CYRIB: variants seen among roughly 807,000 people sequenced by gnomAD.
CYRIB encodes the protein CYFIP-related Rac1 interactor B.
A neutral mutation model predicts 44.2 loss-of-function variants in CYRIB; 8 were observed. The ratio of observed to expected loss-of-function variants is 0.18; its 90% CI spans 0.11 to 0.33. The LOEUF (loss-of-function observed/expected upper bound fraction) is 0.33, where lower values mean the gene tolerates loss of function less well. Among genes scored for constraint, CYRIB ranks in the 10% least tolerant of loss-of-function variants. The pLI is 1.00. For missense variants in CYRIB, 185 were observed against 382.8 expected (o/e 0.48, Z 4.31); for synonymous variants, 131 against 127.2 (o/e 1.03, Z -0.20).
chr8:129,913,246 C>A (rs448220), intron 1 of CYRIB, among the ~76,000 whole-genome samples: 28,029 of 152,122 alleles, frequency 0.18, 2,769 homozygotes, highest in Non-Finnish European at 0.21. Context: ...GCTGGGATTA[C>A]AGGCGTGAGC....
chr8:129,941,247 G>A (rs2093670627), upstream of CYRIB, among the ~76,000 whole-genome samples: 1 of 149,178 alleles, frequency 6.7e-6, no homozygotes, highest in Non-Finnish European at 1.5e-5. Context: ...TTATAATTCT[G>A]GTCAATTTCA....
At chr8:129,907,561 G>A (rs1488572257) in intron 1 of CYRIB, among the ~76,000 whole-genome samples, 1 of 151,956 alleles carries the variant, frequency 6.6e-6, no homozygotes, top group African/African-American at 2.4e-5. Flanking sequence ...CCTGCACATT[G>A]TGCACATGTA....
intron 10 of CYRIB, among the ~76,000 whole-genome samples, chr8:129,848,873 C>T (rs1237546622): frequency 6.6e-6 from 1 of 152,114 alleles, no homozygotes; most frequent in East Asian, 1.9e-4. Flanking sequence ...CGCCCAGCAG[C>T]ACTACTGACT....
At chr8:129,929,656 A>G (rs2090079508) in intron 1 of CYRIB, among the ~76,000 whole-genome samples, 1 of 152,244 alleles carries the variant, frequency 6.6e-6, no homozygotes, top group Non-Finnish European at 1.5e-5. Flanking sequence ...AAATGAAAAC[A>G]TAAATTAAAA....
intron 1 of CYRIB, among the ~76,000 whole-genome samples, chr8:129,926,214 C>T (rs754972220): frequency 3.9e-5 from 6 of 152,216 alleles, no homozygotes; most frequent in Non-Finnish European, 7.3e-5. Flanking sequence ...CACAACCTTA[C>T]CACTCAGCCA....
chr8:129,961,808 A>G (rs898437614), intron 2 of CYRIB, among the ~76,000 whole-genome samples: 1 of 152,216 alleles, frequency 6.6e-6, no homozygotes, highest in Non-Finnish European at 1.5e-5. Flanking sequence ...GCTAAATCAA[A>G]TACCAGGCAA....
At chr8:129,860,472 G>A (rs1327154583) in intron 5 of CYRIB, among the ~76,000 whole-genome samples, 2 of 152,094 alleles carry the variant, frequency 1.3e-5, no homozygotes, top group East Asian at 3.9e-4. Flanking sequence ...GACAAATACT[G>A]TAAAATAACT....
chr8:129,883,134 A>G (rs955014461), intron 2 of CYRIB, among the ~76,000 whole-genome samples: 1 of 150,812 alleles, frequency 6.6e-6, no homozygotes, highest in Non-Finnish European at 1.5e-5. Flanking sequence ...AAAAAAAAAA[A>G]AAAAAAGGAA....
chr8:129,942,100 G>A (rs961792027), upstream of CYRIB, among the ~76,000 whole-genome samples: 3 of 152,118 alleles, frequency 2.0e-5, no homozygotes, highest in Non-Finnish European at 4.4e-5. Flanking sequence ...CAGCACTTTG[G>A]GAGGCTGAAG....
At chr8:129,923,254 C>T (rs1293520170) in intron 1 of CYRIB, among the ~76,000 whole-genome samples, 1 of 66,124 alleles carries the variant, frequency 1.5e-5, no homozygotes, top group African/African-American at 6.9e-5. Flanking sequence ...AGAAAAAAAT[C>T]TCCACCTAAG....
upstream of CYRIB, among the ~76,000 whole-genome samples, chr8:129,942,079 A>C (rs568021826): frequency 4.6e-5 from 7 of 152,236 alleles, no homozygotes; most frequent in East Asian, 1.4e-3. Context: ...AGTGGCTCAC[A>C]CCTGTAATCC....
exon 12 of CYRIB, chr8:129,840,973 C>G (rs2036026000): frequency 6.6e-6 from 1 of 152,208 alleles, no homozygotes; most frequent in Non-Finnish European, 1.5e-5. Flanking sequence ...CATGGTTGAA[C>G]TAGACAACCT....
At chr8:129,934,913 T>C (rs2092513249) in intron 1 of CYRIB, among the ~76,000 whole-genome samples, 1 of 152,248 alleles carries the variant, frequency 6.6e-6, no homozygotes, top group East Asian at 1.9e-4. Flanking sequence ...TAATCACTTA[T>C]GTATTTAGAT....
intron 3 of CYRIB, among the ~76,000 whole-genome samples, chr8:129,878,396 T>C (rs2059851660): frequency 1.3e-5 from 2 of 152,230 alleles, no homozygotes; most frequent in African/African-American, 4.8e-5. Context: ...AAATTGAAGT[T>C]GGAGGAAAAG....
intron 1 of CYRIB, among the ~76,000 whole-genome samples, chr8:130,003,906 C>T (rs566120841): frequency 1.3e-5 from 2 of 152,360 alleles, no homozygotes; most frequent in South Asian, 2.1e-4. Context: ...TTCAGATCAA[C>T]TCCTGGATGG....
At chr8:129,967,967 G>T (rs2095551342) in intron 2 of CYRIB, among the ~76,000 whole-genome samples, 1 of 152,134 alleles carries the variant, frequency 6.6e-6, no homozygotes, top group Non-Finnish European at 1.5e-5. Context: ...TACTCTTGGT[G>T]ATTTCCCATA....
At chr8:129,894,869 A>C (rs1447110903) in intron 2 of CYRIB, among the ~76,000 whole-genome samples, 3 of 151,668 alleles carry the variant, frequency 2.0e-5, no homozygotes, top group Non-Finnish European at 4.4e-5. Flanking sequence ...TCCTAACTTA[A>C]CTTCAACTGT....
chr8:129,920,629 C>G (rs1188226119), intron 1 of CYRIB, among the ~76,000 whole-genome samples: 1 of 152,072 alleles, frequency 6.6e-6, no homozygotes, highest in Non-Finnish European at 1.5e-5. Context: ...CTAGGTATTT[C>G]AGACTGGAAA....
At chr8:129,932,765 G>A (rs1353841253) in intron 1 of CYRIB, among the ~76,000 whole-genome samples, 3 of 152,080 alleles carry the variant, frequency 2.0e-5, no homozygotes, top group African/African-American at 7.2e-5. Flanking sequence ...ACTCTCTAAG[G>A]GAAAGGATAA....
Sources: gnomAD v4.1 joint callset for allele counts (sites outside exome capture counted in the v4.1 genomes callset) on GRCh38, gnomAD v4.1.1 for gene constraint, MANE v1.5 for transcripts, NCBI Gene and HGNC (gene_info 2026-07-23, HGNC 2026-07-21) for gene names.